Variants in EYS observed in about 807,000 individuals in gnomAD.
EYS encodes protein eyes shut homolog.
A neutral mutation model predicts 282.1 loss-of-function variants in EYS; 250 were observed. That is an observed-to-expected ratio of 0.89 (90% CI 0.80 to 0.98). The LOEUF (loss-of-function observed/expected upper bound fraction) is 0.98. Among genes scored for constraint, EYS ranks in the 50% least tolerant of loss-of-function variants. EYS has a pLI of 0.00. For synonymous variants in EYS, 1,355 were observed against 1,282.9 expected (o/e 1.06, Z -1.20); for missense variants, 4,016 against 3,709.0 (o/e 1.08, Z -2.15).
At chr6:64,822,901 T>A (rs2150022911) in intron 19 of EYS, 79 bp from the exon 20 acceptor site, 1 of 1,195,474 alleles carries the variant, frequency 8.4e-7, no homozygotes, top group East Asian at 2.6e-5. Context: ...ATGGTAAACA[T>A]CACCAAGAAA....
chr6:64,341,857 T>A (rs1771127740), intron 29 of EYS, among the ~76,000 whole-genome samples: 2 of 151,612 alleles, frequency 1.3e-5, no homozygotes, highest in Admixed American at 1.3e-4. Context: ...ATGGTCACCA[T>A]GATACACTCA....
At chr6:64,359,987 G>C (rs150294933) in intron 29 of EYS, among the ~76,000 whole-genome samples, 1 of 151,572 alleles carries the variant, frequency 6.6e-6, no homozygotes, top group Non-Finnish European at 1.5e-5. Flanking sequence ...GTAACTCTCT[G>C]AAGCTCTACT....
chr6:65,114,606 A>G (rs1163166758), intron 12 of EYS, among the ~76,000 whole-genome samples: 1 of 151,844 alleles, frequency 6.6e-6, no homozygotes, highest in African/African-American at 2.4e-5. Flanking sequence ...CTCCATAGAT[A>G]TTAATATTAA....
intron 15 of EYS, among the ~76,000 whole-genome samples, chr6:64,938,232 A>T (rs1426508385): frequency 6.6e-6 from 1 of 151,500 alleles, no homozygotes; most frequent in Non-Finnish European, 1.5e-5. Flanking sequence ...GAATCTACTA[A>T]ATCTATAGTA....
intron 26 of EYS, among the ~76,000 whole-genome samples, chr6:64,467,884 G>A (rs910603832): frequency 3.3e-5 from 5 of 152,092 alleles, no homozygotes; most frequent in Admixed American, 2.0e-4. Context: ...CCACTCAAGG[G>A]GTTTGGGGAT....
At chr6:64,544,016 TG>T (rs1764768760) in intron 26 of EYS, among the ~76,000 whole-genome samples, 1 of 152,192 alleles carries the variant, frequency 6.6e-6, no homozygotes, top group South Asian at 2.1e-4. Context: ...AAGAATATGT[TG>T]GATGTATAAA....
At chr6:64,936,995 T>C (rs189742589) in intron 15 of EYS, among the ~76,000 whole-genome samples, 2 of 151,638 alleles carry the variant, frequency 1.3e-5, no homozygotes, top group Admixed American at 1.3e-4. Context: ...TAGAAATCCT[T>C]ACAAGTTTGT....
At chr6:64,815,264 G>A (rs374485281) in intron 21 of EYS, 1 of 454,410 alleles carries the variant, frequency 2.2e-6, no homozygotes, top group Non-Finnish European at 4.4e-6. Flanking sequence ...GCACATAGTA[G>A]ACTATCCTGT....
At chr6:65,403,419 T>C (rs560986337) in intron 6 of EYS, among the ~76,000 whole-genome samples, 2 of 150,604 alleles carry the variant, frequency 1.3e-5, no homozygotes, top group Admixed American at 1.3e-4. Flanking sequence ...ATCATCATCA[T>C]TACCATCATT....
chr6:64,272,839 T>C (rs911689786), intron 30 of EYS, among the ~76,000 whole-genome samples: 1 of 152,170 alleles, frequency 6.6e-6, no homozygotes, highest in Non-Finnish European at 1.5e-5. Context: ...CTTACACATG[T>C]TGTATTTTTA....
chr6:63,906,259 A>G (rs1412920128), intron 35 of EYS, among the ~76,000 whole-genome samples: 1 of 152,214 alleles, frequency 6.6e-6, no homozygotes, highest in Non-Finnish European at 1.5e-5. Flanking sequence ...TTCATTCACT[A>G]TATTTTTAGT....
At chr6:64,483,725 A>G (rs1776500770) in intron 26 of EYS, among the ~76,000 whole-genome samples, 1 of 151,598 alleles carries the variant, frequency 6.6e-6, no homozygotes, top group Admixed American at 6.6e-5. Flanking sequence ...CCTCAGATGC[A>G]AGCTACATTC....
rs1468870844 is a variant in EYS, at chr6:64,052,227, C to T, written c.6725+14111G>A. On this transcript the variant is annotated intron_variant, in intron 33 of 42. Coordinates refer to ENST00000503581, the MANE Select transcript of EYS (RefSeq NM_001142800.2). ...GTCATCAAATGTAATAAAAAAATCACTCCTCTTATTCCTGAGCCTAGGAAT... is the reference window on the plus strand; with the variant it reads ...GTCATCAAATGTAATAAAAAAATCATTCCTCTTATTCCTGAGCCTAGGAAT... Among the ~76,000 whole-genome samples the T allele has an allele frequency of 3.3e-5, 5 of 152,184 alleles. No homozygotes were observed. In the East Asian group the frequency reaches 5.8e-4, roughly 18 times the overall value.
At chr6:63,834,306 A>C (rs1771737737) in intron 36 of EYS, among the ~76,000 whole-genome samples, 1 of 152,146 alleles carries the variant, frequency 6.6e-6, no homozygotes, top group Non-Finnish European at 1.5e-5. Context: ...TTTACAATCT[A>C]CCCATGTGAC....
chr6:64,594,071 G>T (rs888698177), intron 24 of EYS, among the ~76,000 whole-genome samples: 2 of 152,064 alleles, frequency 1.3e-5, no homozygotes, highest in Non-Finnish European at 2.9e-5. Flanking sequence ...CTGCTTTAGT[G>T]TTCTAATATT....
intron 22 of EYS, chr6:64,631,712 C>A (rs1253465048): frequency 6.6e-6 from 1 of 152,034 alleles, no homozygotes; most frequent in African/African-American, 2.4e-5. Context: ...CATAACAAAG[C>A]AATTCTCCAG....
intron 22 of EYS, among the ~76,000 whole-genome samples, chr6:64,757,475 A>C (rs1341482382): frequency 6.6e-6 from 1 of 152,140 alleles, no homozygotes; most frequent in Non-Finnish European, 1.5e-5. Context: ...CATTAAATAC[A>C]CAAGTATGTT....
chr6:64,850,910 G>A (rs1765862832), intron 19 of EYS, among the ~76,000 whole-genome samples: 1 of 151,972 alleles, frequency 6.6e-6, no homozygotes, highest in Non-Finnish European at 1.5e-5. Context: ...AATATAGTAG[G>A]GAAGATGCAA....
intron 12 of EYS, among the ~76,000 whole-genome samples, chr6:65,270,705 A>G (rs1767875049): frequency 6.6e-6 from 1 of 152,138 alleles, no homozygotes; most frequent in African/African-American, 2.4e-5. Flanking sequence ...ATTAAATATT[A>G]ATTTTATTGA....
Sources: allele counts gnomAD v4.1 joint callset (sites outside exome capture counted in the v4.1 genomes callset), GRCh38; gene constraint gnomAD v4.1.1; transcripts MANE v1.5; gene names NCBI Gene and HGNC (gene_info 2026-07-23, HGNC 2026-07-21).